CTSS: variants seen among roughly 807,000 people sequenced by gnomAD.
The protein encoded by CTSS is cathepsin S.
A neutral mutation model predicts 39.9 loss-of-function variants in CTSS; 15 were observed. That is an observed-to-expected ratio of 0.38 (90% CI 0.25 to 0.58). The LOEUF is 0.58. Ranked by LOEUF, CTSS falls within the 20% of genes least tolerant of loss-of-function variation. The pLI, the probability that CTSS is intolerant of heterozygous loss-of-function variation, is 0.70. For missense variants in CTSS, 250 were observed against 398.2 expected (o/e 0.63, Z 3.17); for synonymous variants, 126 against 138.2 (o/e 0.91, Z 0.62).
chr1:150,745,239 T>C (rs1200918482), intron 7 of CTSS, among the ~76,000 whole-genome samples: 1 of 152,208 alleles, frequency 6.6e-6, no homozygotes, highest in Non-Finnish European at 1.5e-5. Context: ...AAATTCATGT[T>C]GGAATCCTAA....
intron 7 of CTSS, among the ~76,000 whole-genome samples, chr1:150,736,979 TGA>T (rs1652647239): frequency 6.6e-6 from 1 of 152,204 alleles, no homozygotes; most frequent in African/African-American, 2.4e-5. Flanking sequence ...AAAAATTAAA[TGA>T]GAGAATGTAT....
chr1:150,762,090 A>T (rs917932898), intron 2 of CTSS, among the ~76,000 whole-genome samples: 1 of 152,200 alleles, frequency 6.6e-6, no homozygotes, highest in African/African-American at 2.4e-5. Flanking sequence ...ACATTTACCA[A>T]TGGAATAGGA....
intron 6 of CTSS, among the ~76,000 whole-genome samples, chr1:150,749,752 G>A (rs2101918952): frequency 6.6e-6 from 1 of 151,556 alleles, no homozygotes; most frequent in East Asian, 1.9e-4. Context: ...TGGGTTCAAG[G>A]AGTCCTCCTG....
In CTSS at chr1:150,731,399, C is replaced by A. The variant is rs1652519681; in HGVS notation, c.*1647G>T. 1 of 152,112 alleles carries A rather than the reference C, an allele frequency of 6.6e-6. No homozygotes were observed. Among genetic ancestry groups the A allele is most frequent in the Admixed American group, 6.5e-5 (1 of 15,270 alleles). 9.4% of individuals were successfully genotyped at this position (152,112 alleles called of 1,614,324 possible). A position where few individuals can be genotyped will look rare whatever the true frequency, so the allele number is the denominator to read the frequency against. ...TGAGACTCCGTCTCAAAAAACAAAA[C>A]AAAACTGAAAAGTAATCAACTAAAT... On this transcript the variant is annotated 3_prime_UTR_variant, in exon 8 of 8. Transcript: ENST00000368985.
intron 2 of CTSS, among the ~76,000 whole-genome samples, chr1:150,761,706 G>A (rs1004752942): frequency 6.6e-6 from 1 of 151,804 alleles, no homozygotes; most frequent in African/African-American, 2.4e-5. Context: ...ACCCCAGCCT[G>A]GGCAACAAGA....
intron 7 of CTSS, among the ~76,000 whole-genome samples, chr1:150,740,002 G>C (rs896797936): frequency 2.6e-5 from 4 of 152,206 alleles, no homozygotes; most frequent in Non-Finnish European, 5.9e-5. Flanking sequence ...CACTCCATTA[G>C]ACTATGAGTA....
chr1:150,747,675 C>G, intron 7 of CTSS, 102 bp downstream of exon 7: 1 of 770,712 alleles, frequency 1.3e-6, no homozygotes, highest in Non-Finnish European at 2.2e-6. Flanking sequence ...TCATCATTGT[C>G]AATATCGTGA....
At position 150,731,929 on chromosome 1, in the gene CTSS, CAG is replaced by C. The variant is rs1289649946; in HGVS notation, c.*1115_*1116del. On this transcript the variant is annotated 3_prime_UTR_variant, in exon 8 of 8. Coordinates refer to ENST00000368985, the MANE Select transcript of CTSS (RefSeq NM_004079.5). ...TGTGTTGAATCCTCTTTTTTTAAGA[CAG>C]GGTCTTGCTCTGTCACCCAGGCTGG... The C allele has an allele frequency of 6.6e-6, 1 of 151,980 alleles. No homozygotes were observed. The highest frequency in any genetic ancestry group is 1.5e-5 in the Non-Finnish European group (1 of 67,998). 9.4% of individuals were successfully genotyped at this position (151,980 alleles called of 1,614,324 possible).
At position 150,731,214 on chromosome 1, in the gene CTSS, C is replaced by G. The variant is rs948023126; in HGVS notation, c.*1832G>C. 7.9e-5 allele frequency: 12 copies of G among 152,126 alleles called. No homozygotes were observed. Among genetic ancestry groups the G allele is most frequent in the African/African-American group, 2.7e-4 (11 of 41,416 alleles). 9.4% of individuals were successfully genotyped at this position (152,126 alleles called of 1,614,324 possible). A position where few individuals can be genotyped will look rare whatever the true frequency, so the allele number is the denominator to read the frequency against. On this transcript the variant is annotated 3_prime_UTR_variant, in exon 8 of 8. Coordinates refer to ENST00000368985, the MANE Select transcript of CTSS (RefSeq NM_004079.5). ...ACCAGCCTGGCTAATGTGGCAAAAC[C>G]CTGTCTTTACTAAAAATACAAAAAT... is the stretch of plus-strand genomic sequence containing the variant.
intron 4 of CTSS, among the ~76,000 whole-genome samples, chr1:150,754,658 C>T (rs1182772315): frequency 6.6e-6 from 1 of 152,046 alleles, no homozygotes; most frequent in African/African-American, 2.4e-5. Flanking sequence ...GAACTCCTGG[C>T]CTCAGGTGAT....
intron 7 of CTSS, among the ~76,000 whole-genome samples, chr1:150,743,496 GATATAT>G (rs10609824): frequency 1.4e-4 from 17 of 124,902 alleles, no homozygotes; most frequent in Middle Eastern, 8.2e-3. Context: ...GAGGCTGGGA[GATATAT>G]ATATATATAT....
rs758250547 is a variant in CTSS, at chr1:150,733,141, C to T, written c.901G>A (p.Gly301Ser). 22 of 1,608,708 alleles carry T rather than the reference C, an allele frequency of 1.4e-5. No individual in the cohort carries two copies. The highest frequency in any genetic ancestry group is 1.9e-5 in the Non-Finnish European group (22 of 1,177,186). ...KEYWLVKNSWGHNFGEEGYIR... is the reference protein window; with the variant it reads ...KEYWLVKNSWSHNFGEEGYIR... ...TATCCTTCTTCACCAAAGTTGTGGCCCCAGCTTTAGAAAAAGAAATAATAC... is the reference window on the plus strand; with the variant it reads ...TATCCTTCTTCACCAAAGTTGTGGCTCCAGCTTTAGAAAAAGAAATAATAC... The change falls in exon 8 of 8, where the codon GGC (glycine) becomes AGC (serine). Residue 301 changes from glycine to serine, a missense_variant. By Grantham distance (56) the Gly-to-Ser change is moderately conservative. Transcript: ENST00000368985.
At chr1:150,747,626 G>A (rs954005966) in intron 7 of CTSS, 151 bp downstream of exon 7, 1 of 624,756 alleles carries the variant, frequency 1.6e-6, no homozygotes, top group Non-Finnish European at 2.9e-6. Flanking sequence ...TGGGGGCACT[G>A]AGTAATTTAG....
intron 7 of CTSS, among the ~76,000 whole-genome samples, chr1:150,744,941 C>G (rs1420808334): frequency 1.3e-5 from 2 of 151,828 alleles, no homozygotes; most frequent in Non-Finnish European, 2.9e-5. Context: ...ATTTAGAACA[C>G]CTGCCGTAGG....
rs1482148716 is a variant in CTSS, at chr1:150,732,982, G to A, written c.*64C>T. 2 of 1,143,830 alleles carry A rather than the reference G, an allele frequency of 1.7e-6. No individual in the cohort carries two copies. Among genetic ancestry groups the A allele is most frequent in the African/African-American group, 1.6e-5 (1 of 64,494 alleles). The allele number at this position is 1,143,830 out of a possible 1,614,324, so 70.9% of individuals were successfully genotyped here. A position where few individuals can be genotyped will look rare whatever the true frequency, so the allele number is the denominator to read the frequency against. ...ACAATTATTTCTTCTGGATACAGCA[G>A]GAAAAATTAAGTTAAGAGAAAGTGC... is the stretch of plus-strand genomic sequence containing the variant. On this transcript the variant is annotated 3_prime_UTR_variant, in exon 8 of 8. Coordinates refer to ENST00000368985, the MANE Select transcript of CTSS (RefSeq NM_004079.5).
chr1:150,763,155 G>C (rs1653300064), intron 2 of CTSS, among the ~76,000 whole-genome samples: 1 of 151,398 alleles, frequency 6.6e-6, no homozygotes, highest in South Asian at 2.1e-4. Flanking sequence ...GATGGGTCTA[G>C]AGAACGTTAT....
chr1:150,755,734 C>T (rs1653110309), intron 3 of CTSS, among the ~76,000 whole-genome samples: 2 of 150,032 alleles, frequency 1.3e-5, no homozygotes, highest in Admixed American at 6.6e-5. Context: ...AGTGAGACTC[C>T]ATCTCAAAGA....
intron 7 of CTSS, among the ~76,000 whole-genome samples, chr1:150,746,464 A>G (rs1652897350): frequency 6.6e-6 from 1 of 152,326 alleles, no homozygotes; most frequent in Non-Finnish European, 1.5e-5. Context: ...TGAAGACCAG[A>G]CATAATCTCT....
At chr1:150,735,527 T>A (rs1652617240) in intron 7 of CTSS, among the ~76,000 whole-genome samples, 1 of 152,172 alleles carries the variant, frequency 6.6e-6, no homozygotes, top group South Asian at 2.1e-4. Flanking sequence ...TCTCCATGCC[T>A]TTACAATAAA....
Sources: allele counts gnomAD v4.1 joint callset (sites outside exome capture counted in the v4.1 genomes callset), GRCh38; gene constraint gnomAD v4.1.1; transcripts MANE v1.5; gene names NCBI Gene and HGNC (gene_info 2026-07-23, HGNC 2026-07-21).